Variants in CTDP1 observed in about 807,000 individuals in gnomAD.
The protein encoded by CTDP1 is CTD phosphatase 1, also known as RNA polymerase II subunit A C-terminal domain phosphatase.
Under a neutral mutation model 91.8 loss-of-function variants are expected in CTDP1, and 47 were observed. The observed-to-expected ratio is 0.51, with a 90% CI of 0.41 to 0.65. The LOEUF (loss-of-function observed/expected upper bound fraction) is 0.65, where lower values mean the gene tolerates loss of function less well. Among genes scored for constraint, CTDP1 ranks in the 30% least tolerant of loss-of-function variants. The probability of loss-of-function intolerance (pLI) is 0.00; values close to 1 mark genes in which losing one functional copy is unlikely to be tolerated. For synonymous variants in CTDP1, 656 were observed against 598.5 expected, an observed-to-expected ratio of 1.10 and a Z score of -1.40; for missense variants, 1,272 against 1,373.7, an observed-to-expected ratio of 0.93 and a Z score of 1.17.
chr18:79,715,134 A>T lies in CTDP1; in HGVS notation c.1674A>T (p.Ser558=). The T allele has an allele frequency of 6.2e-7, 1 of 1,613,594 alleles. No homozygotes were observed. Among genetic ancestry groups the T allele is most frequent in the Non-Finnish European group, 8.5e-7 (1 of 1,179,960 alleles). Residue 558 remains serine (S), a synonymous_variant, in exon 8 of 13, where the codon TCA becomes TCT. Coordinates refer to ENST00000613122, the MANE Select transcript of CTDP1 (RefSeq NM_004715.5). ...ACAGGAAGGAGGCGGAGACCGAGTC[A>T]CAGAACAGCGAGCTGTCGGGGGTCA... ...CADRKEAETE[S]QNSELSGVTA...
At chr18:79,706,953 C>T (rs1198419999) in intron 5 of CTDP1, among the ~76,000 whole-genome samples, 4 of 152,272 alleles carry the variant, frequency 2.6e-5, no homozygotes. Flanking sequence ...ATACGTTGAT[C>T]TGGTGCCCGT....
chr18:79,730,817 C>T (rs531425060), intron 11 of CTDP1, among the ~76,000 whole-genome samples: 4 of 152,254 alleles, frequency 2.6e-5, no homozygotes, highest in Non-Finnish European at 4.4e-5. Flanking sequence ...GGGATTCTCC[C>T]AGTGGACACC....
intron 12 of CTDP1, among the ~76,000 whole-genome samples, chr18:79,741,187 G>A (rs573093707): frequency 6.9e-5 from 10 of 144,986 alleles, no homozygotes; most frequent in Admixed American, 2.0e-4. Context: ...TGAGGTCCCC[G>A]TGCGGTTGAT....
chr18:79,737,324 T>G (rs1274096574), intron 12 of CTDP1, among the ~76,000 whole-genome samples: 1 of 152,246 alleles, frequency 6.6e-6, no homozygotes, highest in Non-Finnish European at 1.5e-5. Context: ...GTTCTGAATC[T>G]TGTCCGAGAA....
intron 11 of CTDP1, 76 bp from the exon 12 acceptor site, chr18:79,736,279 T>C: frequency 3.2e-6 from 5 of 1,541,388 alleles, no homozygotes; most frequent in Non-Finnish European, 4.4e-6. Flanking sequence ...AGCCCTGGAC[T>C]CTGCCGGGAG....
intron 12 of CTDP1, among the ~76,000 whole-genome samples, chr18:79,742,871 T>A (rs1037672142): frequency 6.6e-6 from 1 of 152,116 alleles, no homozygotes; most frequent in Non-Finnish European, 1.5e-5. Flanking sequence ...GGCACAAGAA[T>A]CACTAGAACC....
Position 79,753,685 on chromosome 18 carries a change from C to T in CTDP1, c.2781C>T (p.Ala927=), listed in dbSNP as rs141794158. 89 of 1,614,088 alleles carry T rather than the reference C, an allele frequency of 5.5e-5. No individual in the cohort carries two copies. The Middle Eastern group carries it at 1.3e-3, about 24-fold the overall frequency. Residue 927 remains alanine (A), a synonymous_variant, in exon 13 of 13, where the codon GCC becomes GCT. Transcript: ENST00000613122. ...AGAGGAAGCTGAATGAAGAGGACGCCGCCAGCGAGTCCAGCAGGGAGTCCA... is the reference window on the plus strand; with the variant it reads ...AGAGGAAGCTGAATGAAGAGGACGCTGCCAGCGAGTCCAGCAGGGAGTCCA... ...GHKRKLNEED[A]ASESSRESSN...
chr18:79,736,044 T>G lies in CTDP1; in HGVS notation c.2581-311T>G, dbSNP rs990542182. On this transcript the variant is annotated intron_variant, in intron 11 of 12. Transcript: ENST00000613122. Reference sequence around the variant, plus strand: ...TGAAAATTTCAAGCAAATATTCTGATTATTCACCATAAAATCCAACAGTGC... The same window carrying G: ...TGAAAATTTCAAGCAAATATTCTGAGTATTCACCATAAAATCCAACAGTGC... 7.6e-6 allele frequency: 3 copies of G among 393,310 alleles called. No homozygotes were observed. The Admixed American group carries it at 1.1e-4, about 15-fold the overall frequency. The allele number at this position is 393,310 out of a possible 1,614,324, so 24.4% of individuals were successfully genotyped here. A position where few individuals can be genotyped will look rare whatever the true frequency, so the allele number is the denominator to read the frequency against.
At chr18:79,704,703 G>T in intron 4 of CTDP1, 64 bp from the exon 5 acceptor site, 2 of 1,603,232 alleles carry the variant, frequency 1.2e-6, no homozygotes, top group Non-Finnish European at 1.7e-6. Flanking sequence ...CGGGCACACA[G>T]GTTGCGGGGG....
At chr18:79,738,720 C>A (rs1340808756) in intron 12 of CTDP1, among the ~76,000 whole-genome samples, 1 of 152,230 alleles carries the variant, frequency 6.6e-6, no homozygotes, top group Non-Finnish European at 1.5e-5. Context: ...AGTCATTGTT[C>A]CGTTTGCAGG....
chr18:79,750,579 C>A (rs1309166470), intron 12 of CTDP1, among the ~76,000 whole-genome samples: 1 of 151,540 alleles, frequency 6.6e-6, no homozygotes, highest in Non-Finnish European at 1.5e-5. Context: ...CTGCAACTTC[C>A]GCCTCCCGGG....
At chr18:79,690,542 G>A (rs2085599340) in intron 1 of CTDP1, among the ~76,000 whole-genome samples, 2 of 152,206 alleles carry the variant, frequency 1.3e-5, no homozygotes, top group African/African-American at 4.8e-5. Context: ...CTGGAGCGTG[G>A]AGGCTGGAAT....
chr18:79,718,065 C>T (rs1296411561), intron 10 of CTDP1, 49 bp downstream of exon 10: 1 of 1,600,452 alleles, frequency 6.2e-7, no homozygotes, highest in East Asian at 2.2e-5. Flanking sequence ...GCTCTTCAAG[C>T]TTGCTGCTCC....
At chr18:79,686,130 G>A (rs1044670087) in intron 1 of CTDP1, among the ~76,000 whole-genome samples, 26 of 152,140 alleles carry the variant, frequency 1.7e-4, no homozygotes, top group Non-Finnish European at 8.8e-5. Flanking sequence ...GGGTTTTTAG[G>A]TATCTCCGAT....
intron 12 of CTDP1, among the ~76,000 whole-genome samples, chr18:79,752,086 G>A (rs1422034061): frequency 6.6e-6 from 1 of 152,268 alleles, no homozygotes; most frequent in African/African-American, 2.4e-5. Flanking sequence ...AGGACATCAG[G>A]TGGTTGGAAT....
intron 6 of CTDP1, among the ~76,000 whole-genome samples, chr18:79,711,971 A>G (rs1239783): frequency 0.76 from 115,004 of 150,490 alleles, 44,046 homozygotes; most frequent in Middle Eastern, 0.79. Context: ...AGCTTCAGCC[A>G]CTTCCTGGTT....
chr18:79,718,669 C>A (rs887066972), intron 10 of CTDP1, among the ~76,000 whole-genome samples: 27 of 152,272 alleles, frequency 1.8e-4, no homozygotes, highest in Non-Finnish European at 3.8e-4. Context: ...CCCCTGGAGA[C>A]CCCATGTAAA....
At chr18:79,717,749 G>C in intron 9 of CTDP1, 61 bp from the exon 10 acceptor site, 1 of 1,613,742 alleles carries the variant, frequency 6.2e-7, no homozygotes, top group Non-Finnish European at 8.5e-7. Context: ...TCATGCACCT[G>C]GGCAGTGCCC....
rs200558635 is a variant in CTDP1, at chr18:79,703,341, C to A, written c.622-1426C>A. Among the ~76,000 whole-genome samples, 37 of 151,980 alleles carry A rather than the reference C, an allele frequency of 2.4e-4. No homozygotes were observed. In the East Asian group the frequency reaches 5.0e-3, roughly 21 times the overall value. Reference sequence around the variant, plus strand: ...TTAAGTCATCTACCTTTTTTTAAAGCCATTAAGAGTAAATATTTTACTGAG... The same window carrying A: ...TTAAGTCATCTACCTTTTTTTAAAGACATTAAGAGTAAATATTTTACTGAG... On this transcript the variant is annotated intron_variant, in intron 4 of 12. Transcript: ENST00000613122.
Sources: allele counts gnomAD v4.1 joint callset (sites outside exome capture counted in the v4.1 genomes callset), GRCh38; gene constraint gnomAD v4.1.1; transcripts MANE v1.5; gene names NCBI Gene and HGNC (gene_info 2026-07-23, HGNC 2026-07-21).